PRKN: variants seen among roughly 807,000 people sequenced by gnomAD.
PRKN encodes E3 ubiquitin-protein ligase parkin.
In PRKN, 56 loss-of-function variants were observed where a neutral mutation model predicts 59.5. The ratio of observed to expected loss-of-function variants is 0.94; its 90% CI spans 0.76 to 1.18. The LOEUF (loss-of-function observed/expected upper bound fraction) is 1.18, where lower values mean the gene tolerates loss of function less well. Ranked by LOEUF, PRKN falls within the 50% of genes most tolerant of loss-of-function variation. The pLI, the probability that PRKN is intolerant of heterozygous loss-of-function variation, is 0.00. For missense variants in PRKN, 657 were observed against 596.4 expected (o/e 1.10, Z -1.06); for synonymous variants, 250 against 222.1 (o/e 1.13, Z -1.12).
rs35792526 is a variant in PRKN, at chr6:162,436,176, C to CAAA, written c.171+7131_171+7133dup. Among the ~76,000 whole-genome samples the CAAA allele has an allele frequency of 4.0e-3, 218 of 54,690 alleles. 3 individuals are homozygous for CAAA. Among genetic ancestry groups the CAAA allele is most frequent in the African/African-American group, 0.014 (205 of 15,154 alleles). The allele number at this position is 54,690 out of a possible 152,430, so 35.9% of individuals were successfully genotyped here. ...AGGCGACAGAGTAAGACTCCATCTC[C>CAAA]AAAAAAAAAAAAAAAAAAAAAAAAA... is the stretch of plus-strand genomic sequence containing the variant. On this transcript the variant is annotated intron_variant, in intron 2 of 11. Transcript: ENST00000366898.
At position 161,448,033 on chromosome 6, in the gene PRKN, T is replaced by C. The variant is rs1273444946; in HGVS notation, c.1084-61156A>G. On this transcript the variant is annotated intron_variant, in intron 9 of 11. Coordinates refer to ENST00000366898, the MANE Select transcript of PRKN (RefSeq NM_004562.3). This position sits in a 1 kb window ranked among gnomAD's most constrained non-coding sequence, Gnocchi z 5.1. The stretch of plus-strand genomic sequence containing the variant: ...TGAATGATGTGGGAGGTAGGGACCT[T>C]GGTCATTGTTATCTCTTTATAATAA... Among the ~76,000 whole-genome samples the C allele has an allele frequency of 6.6e-6, 1 of 152,186 alleles. No individual in the cohort carries two copies. The highest frequency in any genetic ancestry group is 2.4e-5 in the African/African-American group (1 of 41,440).
chr6:161,558,717 C>T (rs558753852), intron 8 of PRKN, among the ~76,000 whole-genome samples: 1 of 152,208 alleles, frequency 6.6e-6, no homozygotes, highest in South Asian at 2.1e-4. Context: ...TTTCTCCTTG[C>T]TATGCAGATA....
rs766679126 is a variant in PRKN at position 162,201,120 on chromosome 6, C to T, written c.534+11G>A. Reference sequence around the variant, plus strand: ...TCCTGGCAGTCTCATGCTGACACTGCATTTCCTTACCTGGGTCAAGGTGAG... The same window carrying T: ...TCCTGGCAGTCTCATGCTGACACTGTATTTCCTTACCTGGGTCAAGGTGAG... On this transcript the variant is annotated intron_variant, in intron 4 of 11. Transcript: ENST00000366898. 14 of 1,613,940 alleles carry T rather than the reference C, an allele frequency of 8.7e-6. No individual in the cohort carries two copies. Among genetic ancestry groups the T allele is most frequent in the African/African-American group, 1.3e-5 (1 of 74,932 alleles).
At chr6:161,830,681 T>C (rs1792461327) in intron 6 of PRKN, among the ~76,000 whole-genome samples, 1 of 152,238 alleles carries the variant, frequency 6.6e-6, no homozygotes, top group Non-Finnish European at 1.5e-5. Context: ...GTATACAACA[T>C]GGTGCTTTGA....
intron 4 of PRKN, among the ~76,000 whole-genome samples, chr6:162,152,774 T>C (rs1377268506): frequency 6.6e-6 from 1 of 152,170 alleles, no homozygotes; most frequent in Non-Finnish European, 1.5e-5. Flanking sequence ...AACTAGGAAA[T>C]ATCAGATTGT....
chr6:161,758,102 T>C (rs1789031059), intron 7 of PRKN, among the ~76,000 whole-genome samples: 1 of 151,550 alleles, frequency 6.6e-6, no homozygotes, highest in Admixed American at 6.6e-5. Context: ...CTGGAGCAAC[T>C]AGAACTCTCG....
chr6:161,972,920 T>C (rs1300785893), intron 6 of PRKN, among the ~76,000 whole-genome samples: 2 of 152,204 alleles, frequency 1.3e-5, no homozygotes, highest in Admixed American at 6.5e-5. Flanking sequence ...AATGTTAACA[T>C]TTTAAATGTT....
intron 10 of PRKN, among the ~76,000 whole-genome samples, chr6:161,381,380 G>T (rs927592515): frequency 1.3e-5 from 2 of 152,156 alleles, no homozygotes; most frequent in Non-Finnish European, 2.9e-5. Flanking sequence ...CCCCTGGGTG[G>T]CCACTCTCCC....
At position 161,468,260 on chromosome 6, in the gene PRKN, G is replaced by A. The variant is rs531394142; in HGVS notation, c.1083+80594C>T. Reference sequence around the variant, plus strand: ...CGTGCTAGGATTACAGGCATGAGCCGCCATGCCCAGCCTCTTACCCTATAC... The same window carrying A: ...CGTGCTAGGATTACAGGCATGAGCCACCATGCCCAGCCTCTTACCCTATAC... On this transcript the variant is annotated intron_variant, in intron 9 of 11. Coordinates refer to ENST00000366898, the MANE Select transcript of PRKN (RefSeq NM_004562.3). The surrounding 1 kb of genome is among the most constrained non-coding windows in gnomAD (Gnocchi z 5.9). 6.6e-4 allele frequency among the ~76,000 whole-genome samples: 100 copies of A among 151,938 alleles called. No homozygotes were observed. Among genetic ancestry groups the A allele is most frequent in the African/African-American group, 2.3e-3 (96 of 41,452 alleles).
chr6:162,534,997 TCCTCTTCCATCC>T (rs1778660531), intron 1 of PRKN, among the ~76,000 whole-genome samples: 1 of 148,484 alleles, frequency 6.7e-6, no homozygotes, highest in African/African-American at 2.6e-5. Context: ...CCTTCCCCAG[TCCTCTTCCATCC>T]CCAGTCCTCT....
intron 2 of PRKN, among the ~76,000 whole-genome samples, chr6:162,283,217 C>T (rs2128106910): frequency 6.6e-6 from 1 of 152,248 alleles, no homozygotes; most frequent in South Asian, 2.1e-4. Flanking sequence ...CACTCACTCA[C>T]CTCTCTTTTG....
At chr6:161,918,517 T>C (rs1044155693) in intron 6 of PRKN, among the ~76,000 whole-genome samples, 3 of 151,962 alleles carry the variant, frequency 2.0e-5, no homozygotes, top group African/African-American at 4.8e-5. Flanking sequence ...GACACCAGGG[T>C]TTTGATTTCA....
At chr6:162,146,821 C>T (rs1317985251) in intron 4 of PRKN, among the ~76,000 whole-genome samples, 2 of 151,538 alleles carry the variant, frequency 1.3e-5, no homozygotes, top group East Asian at 2.0e-4. Flanking sequence ...TTTTATTCCT[C>T]CTGGGCTCAA....
intron 6 of PRKN, among the ~76,000 whole-genome samples, chr6:161,873,826 A>G (rs992040954): frequency 1.4e-5 from 2 of 147,414 alleles, no homozygotes; most frequent in Non-Finnish European, 3.0e-5. Context: ...CGATTATTTT[A>G]TATATCTAAA....
chr6:162,255,040 T>C (rs1779587334), intron 3 of PRKN, among the ~76,000 whole-genome samples: 1 of 150,840 alleles, frequency 6.6e-6, no homozygotes, highest in Non-Finnish European at 1.5e-5. Context: ...GTGGAGGTGA[T>C]CAAACTTTAA....
chr6:161,849,758 A>G lies in PRKN; in HGVS notation c.735-63850T>C, dbSNP rs1793349292. Among the ~76,000 whole-genome samples the G allele has an allele frequency of 1.3e-5, 2 of 152,240 alleles. 1 individual carries two copies. Among genetic ancestry groups the G allele is most frequent in the South Asian group, 4.1e-4 (2 of 4,832 alleles). On this transcript the variant is annotated intron_variant, in intron 6 of 11. Transcript: ENST00000366898. ...TTCACATTTAGTCTTATAATTTAAG[A>G]AAGAATAGGAAAAAACGGAGAGCAA... is the stretch of plus-strand genomic sequence containing the variant.
At chr6:162,327,382 C>T (rs942132495) in intron 2 of PRKN, among the ~76,000 whole-genome samples, 17 of 152,224 alleles carry the variant, frequency 1.1e-4, no homozygotes, top group African/African-American at 4.1e-4. Context: ...AAGACATGAG[C>T]AATCTGATTT....
intron 1 of PRKN, among the ~76,000 whole-genome samples, chr6:162,492,647 A>C (rs1289845876): frequency 6.6e-6 from 1 of 151,988 alleles, no homozygotes; most frequent in Admixed American, 6.6e-5. Flanking sequence ...CTACTAAAAA[A>C]TACAAAAATT....
chr6:161,773,280 T>C (rs1438812932), intron 7 of PRKN, among the ~76,000 whole-genome samples: 3 of 152,196 alleles, frequency 2.0e-5, no homozygotes, highest in South Asian at 4.1e-4. Flanking sequence ...TAAAATGATA[T>C]ATTTAAAGGT....
Sources: gnomAD v4.1 joint callset for allele counts (sites outside exome capture counted in the v4.1 genomes callset) on GRCh38, gnomAD v4.1.1 for gene constraint, Gnocchi (gnomAD v3.1) non-coding constraint, MANE v1.5 for transcripts, NCBI Gene and HGNC (gene_info 2026-07-23, HGNC 2026-07-21) for gene names.